The following CDH20 variants were observed in gnomAD, a reference collection of about 807,000 sequenced individuals.
CDH20 encodes cadherin 20.
In CDH20, 29 loss-of-function variants were observed where a neutral mutation model predicts 74.2. The ratio of observed to expected loss-of-function variants is 0.39; its 90% confidence interval spans 0.29 to 0.53. The LOEUF (loss-of-function observed/expected upper bound fraction) is 0.53, where lower values mean the gene tolerates loss of function less well. CDH20 is among the 20% of genes least tolerant of loss of function. The probability of loss-of-function intolerance (pLI) is 0.69; values close to 1 mark genes in which losing one functional copy is unlikely to be tolerated. For synonymous variants in CDH20, 469 were observed against 405.4 expected (o/e 1.16, Z -1.88); for missense variants, 988 against 1,048.3 (o/e 0.94, Z 0.79).
intron 10 of CDH20, among the ~76,000 whole-genome samples, chr18:61,546,223 A>T (rs1403405865): frequency 2.0e-5 from 3 of 152,244 alleles, no homozygotes; most frequent in Admixed American, 6.5e-5. Flanking sequence ...ACAAAAAGTC[A>T]TGATTAGGTT....
intron 1 of CDH20, among the ~76,000 whole-genome samples, chr18:61,485,797 G>C (rs1444155695): frequency 6.6e-6 from 1 of 152,328 alleles, no homozygotes; most frequent in Non-Finnish European, 1.5e-5. Flanking sequence ...ATTTTGGCCA[G>C]GTGCGGTGGC....
intron 5 of CDH20, among the ~76,000 whole-genome samples, chr18:61,506,539 TAGTC>T (rs1475662114): frequency 6.6e-6 from 1 of 152,216 alleles, no homozygotes; most frequent in African/African-American, 2.4e-5. Flanking sequence ...CTTTGTTATT[TAGTC>T]AGTCACATTA....
intron 1 of CDH20, among the ~76,000 whole-genome samples, chr18:61,338,329 T>C (rs571903346): frequency 9.0e-4 from 137 of 152,296 alleles, no homozygotes; most frequent in Non-Finnish European, 1.7e-3. Flanking sequence ...TTGCTATCCA[T>C]GGTTTGCTAA....
intron 6 of CDH20, among the ~76,000 whole-genome samples, chr18:61,521,061 A>T (rs1274414891): frequency 1.2e-4 from 18 of 150,506 alleles, no homozygotes; most frequent in Admixed American, 1.2e-3. Flanking sequence ...GAAGACAAGA[A>T]GTAACTAAGA....
At chr18:61,418,499 A>G (rs566538917) in intron 1 of CDH20, among the ~76,000 whole-genome samples, 1 of 142,732 alleles carries the variant, frequency 7.0e-6, no homozygotes, top group South Asian at 2.4e-4. Context: ...GTTTGCAGTG[A>G]GCCAAGATCG....
chr18:61,344,849 G>T (rs1462124191), intron 1 of CDH20, among the ~76,000 whole-genome samples: 3 of 151,718 alleles, frequency 2.0e-5, no homozygotes, highest in African/African-American at 7.3e-5. Flanking sequence ...ATGGTCAAGG[G>T]TTTTTTTTAA....
intron 1 of CDH20, among the ~76,000 whole-genome samples, chr18:61,483,216 C>A (rs1164176587): frequency 6.6e-6 from 1 of 152,144 alleles, no homozygotes; most frequent in African/African-American, 2.4e-5. Flanking sequence ...TGCTAAGCAC[C>A]TCTTGTACAG....
chr18:61,446,312 A>G (rs1406842153), intron 1 of CDH20, among the ~76,000 whole-genome samples: 4 of 152,178 alleles, frequency 2.6e-5, no homozygotes, highest in African/African-American at 9.6e-5. Context: ...CCGCATCAGC[A>G]TCACTGAAGG....
At chr18:61,389,716 A>G (rs1391678274) in intron 1 of CDH20, among the ~76,000 whole-genome samples, 1 of 152,190 alleles carries the variant, frequency 6.6e-6, no homozygotes, top group Non-Finnish European at 1.5e-5. Context: ...ATGCAAAAAC[A>G]CCTCTTTAGT....
intron 9 of CDH20, among the ~76,000 whole-genome samples, chr18:61,544,371 C>T (rs570981637): frequency 9.8e-4 from 150 of 152,368 alleles, no homozygotes; most frequent in African/African-American, 3.1e-3. Flanking sequence ...TCAATAGACC[C>T]TCTGCCTTAT....
intron 1 of CDH20, among the ~76,000 whole-genome samples, chr18:61,416,211 C>T (rs1912679101): frequency 6.6e-6 from 1 of 152,114 alleles, no homozygotes; most frequent in Non-Finnish European, 1.5e-5. Context: ...TAATAACTAT[C>T]AGTCCTTACA....
chr18:61,334,717 G>A (rs1909696002), intron 1 of CDH20, among the ~76,000 whole-genome samples: 1 of 152,104 alleles, frequency 6.6e-6, no homozygotes, highest in African/African-American at 2.4e-5. Flanking sequence ...CAGCGTCAGA[G>A]CCTTGTTTTG....
At chr18:61,402,701 A>T (rs1254457487) in intron 1 of CDH20, among the ~76,000 whole-genome samples, 1 of 152,228 alleles carries the variant, frequency 6.6e-6, no homozygotes, top group East Asian at 1.9e-4. Context: ...TTTAAGTCTT[A>T]TAATAAAGGA....
chr18:61,430,436 C>A (rs962987060), intron 1 of CDH20, among the ~76,000 whole-genome samples: 14 of 152,138 alleles, frequency 9.2e-5, no homozygotes, highest in Non-Finnish European at 1.9e-4. Context: ...ACCTTGCTCA[C>A]CTTTCTGATA....
At chr18:61,478,887 A>G (rs1395697480) in intron 1 of CDH20, among the ~76,000 whole-genome samples, 8 of 152,130 alleles carry the variant, frequency 5.3e-5, no homozygotes, top group Non-Finnish European at 4.4e-5. Context: ...TCTCTGTACT[A>G]AAGTATTTCC....
At chr18:61,455,150 T>C (rs1599096856) in intron 1 of CDH20, among the ~76,000 whole-genome samples, 1 of 152,182 alleles carries the variant, frequency 6.6e-6, no homozygotes, top group Admixed American at 6.5e-5. Context: ...ATAAAATACC[T>C]ACCCAGTACT....
chr18:61,499,984 G>T (rs932863314), intron 3 of CDH20, among the ~76,000 whole-genome samples: 4 of 151,442 alleles, frequency 2.6e-5, no homozygotes, highest in Non-Finnish European at 5.9e-5. Flanking sequence ...CGCACCTATA[G>T]TCCCAGCTAC....
At chr18:61,448,157 C>G (rs1326194010) in intron 1 of CDH20, among the ~76,000 whole-genome samples, 1 of 152,158 alleles carries the variant, frequency 6.6e-6, no homozygotes, top group Non-Finnish European at 1.5e-5. Context: ...AATGCTTGGC[C>G]TAGTGCTCAT....
intron 1 of CDH20, among the ~76,000 whole-genome samples, chr18:61,359,839 C>T (rs1196433361): frequency 2.0e-5 from 3 of 152,194 alleles, no homozygotes; most frequent in African/African-American, 7.2e-5. Flanking sequence ...CTTCTGCAGC[C>T]TATACTGTGT....
Sources: gnomAD v4.1 joint callset for allele counts (sites outside exome capture counted in the v4.1 genomes callset) on GRCh38, gnomAD v4.1.1 for gene constraint, MANE v1.5 for transcripts, NCBI Gene and HGNC (gene_info 2026-07-23, HGNC 2026-07-21) for gene names.